EPHA3: variants seen among roughly 807,000 people sequenced by gnomAD.
EPHA3 encodes EPH receptor A3.
A neutral mutation model predicts 107.1 loss-of-function variants in EPHA3; 42 were observed. The ratio of observed to expected loss-of-function variants is 0.39; its 90% CI spans 0.31 to 0.51. EPHA3 has a LOEUF of 0.51. Ranked by LOEUF, EPHA3 falls within the 20% of genes least tolerant of loss-of-function variation. The pLI, the probability that EPHA3 is intolerant of heterozygous loss-of-function variation, is 0.78. For missense variants in EPHA3, 1,183 were observed against 1,211.2 expected (o/e 0.98, Z 0.35); for synonymous variants, 461 against 424.8 (o/e 1.09, Z -1.05).
chr3:89,163,049 G>A (rs1478916697), intron 2 of EPHA3, among the ~76,000 whole-genome samples: 2 of 152,078 alleles, frequency 1.3e-5, no homozygotes, highest in South Asian at 4.2e-4. Context: ...TATTTACCAG[G>A]ATATTTCATT....
intron 7 of EPHA3, among the ~76,000 whole-genome samples, chr3:89,405,155 A>G (rs1709033136): frequency 6.6e-6 from 1 of 152,110 alleles, no homozygotes; most frequent in South Asian, 2.1e-4. Context: ...TATAAAGGCA[A>G]GGAGGGAAAG....
intron 3 of EPHA3, among the ~76,000 whole-genome samples, chr3:89,279,169 A>G (rs2107311041): frequency 6.6e-6 from 1 of 152,276 alleles, no homozygotes; most frequent in South Asian, 2.1e-4. Flanking sequence ...ACACATAGCT[A>G]TGTCACTGTT....
chr3:89,440,847 C>T (rs1033003763), intron 13 of EPHA3, among the ~76,000 whole-genome samples: 6 of 152,148 alleles, frequency 3.9e-5, no homozygotes, highest in Admixed American at 1.3e-4. Context: ...AGACGTAAAT[C>T]GAGGTGACAC....
chr3:89,391,421 C>CTTTTTTTT (rs758307339), intron 5 of EPHA3, among the ~76,000 whole-genome samples: 6 of 116,000 alleles, frequency 5.2e-5, no homozygotes, highest in African/African-American at 1.8e-4. Context: ...TCTTTCTTTT[C>CTTTTTTTT]TTTTTTTTTT....
Position 89,129,726 on chromosome 3 carries a change from T to C in EPHA3, c.153+2453T>C, listed in dbSNP as rs535083993. ...TTGTGCCTCTAGATTCAATTAATTATTGTTATTGCTCTCATTTTTAATATG... is the reference window on the plus strand; with the variant it reads ...TTGTGCCTCTAGATTCAATTAATTACTGTTATTGCTCTCATTTTTAATATG... On this transcript the variant is annotated intron_variant, in intron 2 of 16. Transcript: ENST00000336596. Among the ~76,000 whole-genome samples the C allele has an allele frequency of 2.0e-5, 3 of 152,096 alleles. 1 individual carries two copies. In the South Asian group the frequency reaches 6.2e-4, roughly 32 times the overall value.
chr3:89,117,941 G>C (rs1009019023), intron 1 of EPHA3, among the ~76,000 whole-genome samples: 2 of 151,880 alleles, frequency 1.3e-5, no homozygotes, highest in African/African-American at 2.4e-5. Flanking sequence ...AGAACTGACA[G>C]CATCATAGAA....
At chr3:89,440,068 G>A (rs1709754431) in intron 13 of EPHA3, among the ~76,000 whole-genome samples, 1 of 152,094 alleles carries the variant, frequency 6.6e-6, no homozygotes, top group African/African-American at 2.4e-5. Flanking sequence ...ATCAACATTT[G>A]CTGAAACTAT....
chr3:89,444,370 C>T (rs190484554), intron 13 of EPHA3, among the ~76,000 whole-genome samples: 278 of 57,122 alleles, frequency 4.9e-3, no homozygotes, highest in Middle Eastern at 0.029. Flanking sequence ...GAAATTTCAC[C>T]TGTAGTTTGA....
intron 7 of EPHA3, among the ~76,000 whole-genome samples, chr3:89,405,890 A>G (rs1408761119): frequency 6.6e-6 from 1 of 152,146 alleles, no homozygotes; most frequent in Non-Finnish European, 1.5e-5. Flanking sequence ...CTGGGGATTT[A>G]AACATGAAAC....
At chr3:89,408,207 C>T (rs1166378423) in intron 9 of EPHA3, 76 bp downstream of exon 9, 2 of 1,403,210 alleles carry the variant, frequency 1.4e-6, no homozygotes, top group Non-Finnish European at 2.0e-6. Context: ...AATTGGTTAA[C>T]TTCCTCCTGA....
chr3:89,404,646 A>G (rs572441355), intron 7 of EPHA3, among the ~76,000 whole-genome samples: 6 of 152,364 alleles, frequency 3.9e-5, no homozygotes, highest in African/African-American at 1.4e-4. Flanking sequence ...AATTTTAGCA[A>G]TGGAAATGAT....
intron 1 of EPHA3, among the ~76,000 whole-genome samples, chr3:89,119,287 T>G (rs1707324632): frequency 6.6e-6 from 1 of 152,102 alleles, no homozygotes; most frequent in East Asian, 1.9e-4. Context: ...TAAAAACTTC[T>G]GTAGGTGCTA....
chr3:89,381,469 A>G (rs1708506391), intron 5 of EPHA3, among the ~76,000 whole-genome samples: 1 of 151,804 alleles, frequency 6.6e-6, no homozygotes, highest in African/African-American at 2.4e-5. Context: ...CAGGAGTTCA[A>G]GACCAGCCTG....
At chr3:89,116,719 TAAAA>T (rs140739470) in intron 1 of EPHA3, among the ~76,000 whole-genome samples, 96,576 of 132,496 alleles carry the variant, frequency 0.73, 34,823 homozygotes, top group Admixed American at 0.78. Context: ...ACTGTAACAT[TAAAA>T]AAAAAAAAAA....
chr3:89,411,524 A>G (rs1268131277), intron 9 of EPHA3, among the ~76,000 whole-genome samples: 1 of 151,920 alleles, frequency 6.6e-6, no homozygotes, highest in Non-Finnish European at 1.5e-5. Flanking sequence ...AGCTGAGGAA[A>G]ATAGAGTTTT....
chr3:89,348,559 A>C (rs2107436648), intron 5 of EPHA3, among the ~76,000 whole-genome samples: 1 of 141,954 alleles, frequency 7.0e-6, no homozygotes, highest in East Asian at 2.0e-4. Flanking sequence ...ATCCTCTCAA[A>C]AAACCAGCTC....
intron 3 of EPHA3, among the ~76,000 whole-genome samples, chr3:89,272,134 G>T (rs1705684753): frequency 6.6e-6 from 1 of 151,724 alleles, no homozygotes; most frequent in African/African-American, 2.4e-5. Context: ...AAGGCTTTTG[G>T]TCAACAGTAG....
At chr3:89,126,472 C>T (rs571109411) in intron 1 of EPHA3, among the ~76,000 whole-genome samples, 40 of 151,710 alleles carry the variant, frequency 2.6e-4, no homozygotes, top group African/African-American at 9.2e-4. Context: ...CAACCATATG[C>T]ATGCTATATT....
chr3:89,431,117 G>T (rs1243609515), intron 12 of EPHA3, 33 bp from the exon 13 acceptor site: 5 of 1,589,638 alleles, frequency 3.1e-6, no homozygotes, highest in African/African-American at 1.4e-5. Context: ...AAATAGGAAC[G>T]TATCTTAATT....
Sources: allele counts gnomAD v4.1 joint callset (sites outside exome capture counted in the v4.1 genomes callset), GRCh38; gene constraint gnomAD v4.1.1; transcripts MANE v1.5; gene names NCBI Gene and HGNC (gene_info 2026-07-23, HGNC 2026-07-21).